The following ATP8A2 variants were observed in gnomAD, a reference collection of about 807,000 sequenced individuals.
The protein encoded by ATP8A2 is phospholipid-transporting ATPase IB.
In ATP8A2, 100 loss-of-function variants were observed where a neutral mutation model predicts 165.6. That is an observed-to-expected ratio of 0.60 (90% CI 0.51 to 0.71). The LOEUF is 0.71. Among genes scored for constraint, ATP8A2 ranks in the 30% least tolerant of loss-of-function variants. The pLI is 0.00. For missense variants in ATP8A2, 1,227 were observed against 1,479.5 expected, an observed-to-expected ratio of 0.83 and a Z score of 2.80; for synonymous variants, 543 against 548.8, an observed-to-expected ratio of 0.99 and a Z score of 0.15.
intron 2 of ATP8A2, among the ~76,000 whole-genome samples, chr13:25,491,568 C>T (rs1188240479): frequency 6.6e-6 from 1 of 152,060 alleles, no homozygotes; most frequent in Non-Finnish European, 1.5e-5. Context: ...GACAGTACAG[C>T]GTTTATAAAC....
In ATP8A2 at chr13:25,561,075, C is replaced by T. The variant is rs570442078; in HGVS notation, c.1397+1310C>T. ...CTAATTTTTTGTATTTTTAGTAGAG[C>T]GGGGTTTCACCGTGTTAGCCAGGAT... On this transcript the variant is annotated intron_variant, in intron 15 of 36. Transcript: ENST00000381655. Among the ~76,000 whole-genome samples the T allele has an allele frequency of 1.1e-4, 17 of 151,666 alleles. No individual in the cohort carries two copies. The East Asian group carries it at 1.8e-3, about 16-fold the overall frequency.
chr13:25,745,298 A>G (rs1446194232), intron 25 of ATP8A2, among the ~76,000 whole-genome samples: 2 of 152,128 alleles, frequency 1.3e-5, no homozygotes, highest in Admixed American at 6.5e-5. Context: ...TGCTCATGGC[A>G]TAGAACTCAG....
intron 35 of ATP8A2, among the ~76,000 whole-genome samples, chr13:25,981,763 A>C (rs1038937012): frequency 1.3e-5 from 2 of 152,202 alleles, no homozygotes; most frequent in African/African-American, 4.8e-5. Context: ...ATTTCAATTT[A>C]GTCACAAAAT....
intron 33 of ATP8A2, among the ~76,000 whole-genome samples, chr13:25,940,047 C>T (rs995419932): frequency 6.6e-6 from 1 of 152,130 alleles, no homozygotes; most frequent in African/African-American, 2.4e-5. Context: ...GGATCCTGCC[C>T]TCAGTCCTCG....
At chr13:25,781,352 T>A (rs1721391344) in intron 27 of ATP8A2, among the ~76,000 whole-genome samples, 1 of 152,238 alleles carries the variant, frequency 6.6e-6, no homozygotes, top group Non-Finnish European at 1.5e-5. Flanking sequence ...ATACTTTGAT[T>A]TTTTAAAATT....
At chr13:25,940,135 G>A (rs373366425) in intron 33 of ATP8A2, among the ~76,000 whole-genome samples, 11 of 152,006 alleles carry the variant, frequency 7.2e-5, no homozygotes, top group African/African-American at 1.4e-4. Flanking sequence ...CTGACTTCCC[G>A]TGCCTGTCAC....
At chr13:25,444,018 C>T (rs2035002178) in intron 1 of ATP8A2, among the ~76,000 whole-genome samples, 1 of 152,114 alleles carries the variant, frequency 6.6e-6, no homozygotes, top group Admixed American at 6.5e-5. Flanking sequence ...GTGACTAACA[C>T]CCAAATAAAA....
At chr13:25,600,713 T>C (rs1355739778) in intron 24 of ATP8A2, among the ~76,000 whole-genome samples, 1 of 152,188 alleles carries the variant, frequency 6.6e-6, no homozygotes, top group Non-Finnish European at 1.5e-5. Flanking sequence ...CTCCTCTCTG[T>C]CTTCCCAATC....
rs200170300 is a variant in ATP8A2 at position 26,011,930 on chromosome 13, C to CT, written c.3378-596dup. 2.5e-4 allele frequency among the ~76,000 whole-genome samples: 36 copies of CT among 142,274 alleles called. No homozygotes were observed. The East Asian group carries it at 5.8e-3, about 23-fold the overall frequency. 93.3% of individuals were successfully genotyped at this position (142,274 alleles called of 152,430 possible). A position where few individuals can be genotyped will look rare whatever the true frequency, so the allele number is the denominator to read the frequency against. ...AGTCTGGACGACAGTGAGACCCCAT[C>CT]TTTTTAAAAAAATAAAATAGTATAG... On this transcript the variant is annotated intron_variant, in intron 35 of 36. Transcript: ENST00000381655.
At chr13:25,727,347 A>C (rs1353840264) in intron 25 of ATP8A2, among the ~76,000 whole-genome samples, 1 of 152,214 alleles carries the variant, frequency 6.6e-6, no homozygotes, top group Non-Finnish European at 1.5e-5. Context: ...TAGGTACCAC[A>C]AAATGCTGTG....
At chr13:25,643,223 A>G (rs2041581243) in intron 24 of ATP8A2, among the ~76,000 whole-genome samples, 2 of 152,202 alleles carry the variant, frequency 1.3e-5, no homozygotes. Context: ...AATAATTTAA[A>G]AAAGAATATT....
chr13:25,417,361 T>C (rs1319123999), intron 1 of ATP8A2, among the ~76,000 whole-genome samples: 1 of 148,726 alleles, frequency 6.7e-6, no homozygotes, highest in African/African-American at 2.5e-5. Flanking sequence ...ATGCCTGGCT[T>C]CTAAGTCCTG....
intron 2 of ATP8A2, among the ~76,000 whole-genome samples, chr13:25,481,584 A>G (rs1342245769): frequency 6.6e-6 from 1 of 152,226 alleles, no homozygotes; most frequent in African/African-American, 2.4e-5. Context: ...AGAGAGACAG[A>G]CAGGGAGGGT....
intron 35 of ATP8A2, among the ~76,000 whole-genome samples, chr13:25,992,935 G>A (rs201462649): frequency 0.21 from 29,288 of 142,588 alleles, 2,656 homozygotes; most frequent in Non-Finnish European, 0.27. Context: ...GAGAATATGC[G>A]GTGTTTGGTT....
intron 35 of ATP8A2, among the ~76,000 whole-genome samples, chr13:26,004,570 A>G (rs528605901): frequency 6.6e-6 from 1 of 152,050 alleles, no homozygotes; most frequent in Non-Finnish European, 1.5e-5. Context: ...AAGAGTGGGC[A>G]TCCTTGTCTT....
chr13:26,008,639 C>T (rs9578951), intron 35 of ATP8A2, among the ~76,000 whole-genome samples: 2,353 of 152,236 alleles, frequency 0.015, 59 homozygotes, highest in African/African-American at 0.054. Flanking sequence ...AACCTATAAC[C>T]AGTCATACTA....
intron 24 of ATP8A2, among the ~76,000 whole-genome samples, chr13:25,646,105 C>T (rs533940865): frequency 7.2e-5 from 11 of 152,210 alleles, no homozygotes; most frequent in Admixed American, 5.9e-4. Context: ...ATGCTGGGTG[C>T]ATGTGTATTT....
intron 1 of ATP8A2, among the ~76,000 whole-genome samples, chr13:25,427,814 A>G (rs2034493414): frequency 6.6e-6 from 1 of 152,096 alleles, no homozygotes; most frequent in South Asian, 2.1e-4. Context: ...GAATTGTTTG[A>G]ACCTGAGAGG....
intron 27 of ATP8A2, among the ~76,000 whole-genome samples, chr13:25,778,948 G>A (rs1005244359): frequency 6.6e-6 from 1 of 152,156 alleles, no homozygotes; most frequent in Non-Finnish European, 1.5e-5. Context: ...GTCTCCCATA[G>A]ACGGTGACCA....
Sources: gnomAD v4.1 joint callset for allele counts (sites outside exome capture counted in the v4.1 genomes callset) on GRCh38, gnomAD v4.1.1 for gene constraint, MANE v1.5 for transcripts, NCBI Gene and HGNC (gene_info 2026-07-23, HGNC 2026-07-21) for gene names.